The following SPAG16 variants were observed in gnomAD, a reference collection of about 807,000 sequenced individuals.
SPAG16 encodes sperm-associated antigen 16 protein.
A neutral mutation model predicts 80.4 loss-of-function variants in SPAG16; 86 were observed. That is an observed-to-expected ratio of 1.07 (90% CI 0.90 to 1.28). The LOEUF is 1.28. SPAG16 is among the 50% of genes most tolerant of loss of function. SPAG16 has a pLI of 0.00. For missense variants in SPAG16, 870 were observed against 765.3 expected (o/e 1.14, Z -1.61); for synonymous variants, 294 against 265.9 (o/e 1.11, Z -1.03).
chr2:214,155,100 C>T (rs1365299781), intron 15 of SPAG16, among the ~76,000 whole-genome samples: 1 of 152,074 alleles, frequency 6.6e-6, no homozygotes. Flanking sequence ...GCCAAGGCAG[C>T]TTGAGTTTGC....
intron 15 of SPAG16, among the ~76,000 whole-genome samples, chr2:214,381,861 G>C (rs1220960565): frequency 6.6e-6 from 1 of 152,184 alleles, no homozygotes; most frequent in African/African-American, 2.4e-5. Context: ...TTCAGGTGAG[G>C]ACAAGCAGTT....
chr2:213,440,765 A>G (rs544377641), intron 9 of SPAG16, among the ~76,000 whole-genome samples: 7 of 152,336 alleles, frequency 4.6e-5, no homozygotes, highest in Non-Finnish European at 7.4e-5. Context: ...ACCTTACACC[A>G]TATACAAAGA....
chr2:213,446,521 A>G (rs188909735), intron 9 of SPAG16, among the ~76,000 whole-genome samples: 2 of 152,158 alleles, frequency 1.3e-5, no homozygotes, highest in African/African-American at 4.8e-5. Context: ...TTGAATAAAC[A>G]TAGGCAGACA....
intron 10 of SPAG16, among the ~76,000 whole-genome samples, chr2:213,645,877 CA>C (rs1236423595): frequency 1.3e-5 from 2 of 152,216 alleles, no homozygotes; most frequent in Admixed American, 1.3e-4. Context: ...TACCTGGAGA[CA>C]AGAGCGCTGT....
intron 10 of SPAG16, among the ~76,000 whole-genome samples, chr2:213,781,034 T>A (rs1375500583): frequency 6.6e-6 from 1 of 152,160 alleles, no homozygotes; most frequent in Non-Finnish European, 1.5e-5. Context: ...AAAAATAATA[T>A]AGGCTTTTAC....
chr2:214,276,620 T>C (rs945312381), intron 15 of SPAG16, among the ~76,000 whole-genome samples: 5 of 152,224 alleles, frequency 3.3e-5, no homozygotes, highest in Admixed American at 2.6e-4. Flanking sequence ...ATGTTGTCCC[T>C]CAACCCTCTT....
intron 1 of SPAG16, among the ~76,000 whole-genome samples, chr2:213,294,061 G>A (rs567906156): frequency 2.0e-5 from 3 of 152,228 alleles, no homozygotes; most frequent in East Asian, 3.9e-4. Context: ...TTTGTGCAAC[G>A]TTGATGAACA....
intron 10 of SPAG16, among the ~76,000 whole-genome samples, chr2:213,799,374 C>T (rs2071240614): frequency 6.6e-6 from 1 of 151,926 alleles, no homozygotes; most frequent in South Asian, 2.1e-4. Flanking sequence ...TCAGTCTGTT[C>T]ATTGCTAATG....
At chr2:213,683,376 A>G (rs1299608541) in intron 10 of SPAG16, among the ~76,000 whole-genome samples, 1 of 152,102 alleles carries the variant, frequency 6.6e-6, no homozygotes, top group East Asian at 1.9e-4. Flanking sequence ...CATGGCAAGA[A>G]CCCATCTCTA....
At chr2:213,451,375 G>T (rs2071679851) in intron 9 of SPAG16, among the ~76,000 whole-genome samples, 1 of 152,102 alleles carries the variant, frequency 6.6e-6, no homozygotes, top group Admixed American at 6.6e-5. Context: ...ATTCAGAACA[G>T]ATCTTTCTTT....
intron 10 of SPAG16, among the ~76,000 whole-genome samples, chr2:213,573,454 T>C (rs753859037): frequency 1.1e-4 from 16 of 152,232 alleles, no homozygotes; most frequent in Non-Finnish European, 2.1e-4. Flanking sequence ...AATCTGTACA[T>C]GATGGGTACA....
intron 14 of SPAG16, among the ~76,000 whole-genome samples, chr2:214,147,171 G>T (rs544248310): frequency 8.0e-4 from 122 of 152,162 alleles, no homozygotes; most frequent in African/African-American, 2.8e-3. Context: ...ACAGTACCTG[G>T]CTCATTAAAA....
intron 10 of SPAG16, among the ~76,000 whole-genome samples, chr2:213,539,482 C>A (rs1387271997): frequency 6.6e-6 from 1 of 152,156 alleles, no homozygotes; most frequent in South Asian, 2.1e-4. Flanking sequence ...GTACAACTAT[C>A]ACTGGGTGTT....
At chr2:213,477,817 T>C (rs1327364046) in intron 9 of SPAG16, among the ~76,000 whole-genome samples, 6 of 152,150 alleles carry the variant, frequency 3.9e-5, no homozygotes, top group African/African-American at 1.2e-4. Context: ...GAAGGTATCA[T>C]TGGTTTTGAA....
intron 1 of SPAG16, among the ~76,000 whole-genome samples, chr2:213,293,699 A>G (rs191431343): frequency 6.6e-6 from 1 of 152,312 alleles, no homozygotes; most frequent in East Asian, 1.9e-4. Context: ...GAGACCCCCA[A>G]GTCAGATTCT....
chr2:213,418,217 T>C (rs2069380516), intron 9 of SPAG16, among the ~76,000 whole-genome samples: 1 of 152,178 alleles, frequency 6.6e-6, no homozygotes, highest in South Asian at 2.1e-4. Context: ...TATGCATACA[T>C]GGTATTTATA....
chr2:213,573,203 C>G (rs574832259), intron 10 of SPAG16, among the ~76,000 whole-genome samples: 1 of 152,154 alleles, frequency 6.6e-6, no homozygotes, highest in African/African-American at 2.4e-5. Context: ...TCTTCTGCGT[C>G]GGTCACGCTG....
intron 10 of SPAG16, among the ~76,000 whole-genome samples, chr2:213,670,215 C>G (rs971884290): frequency 6.6e-6 from 1 of 151,978 alleles, no homozygotes; most frequent in Non-Finnish European, 1.5e-5. Flanking sequence ...CCAGGATGGT[C>G]TCGATCTCCT....
At chr2:214,212,518 C>A (rs1003765881) in intron 15 of SPAG16, among the ~76,000 whole-genome samples, 3 of 152,034 alleles carry the variant, frequency 2.0e-5, no homozygotes, top group Non-Finnish European at 4.4e-5. Flanking sequence ...GAAGTGAAGG[C>A]TTCACAAGGG....
Sources: allele counts gnomAD v4.1 joint callset (sites outside exome capture counted in the v4.1 genomes callset), GRCh38; gene constraint gnomAD v4.1.1; transcripts MANE v1.5; gene names NCBI Gene and HGNC (gene_info 2026-07-23, HGNC 2026-07-21).